COL12A1: variants seen among roughly 807,000 people sequenced by gnomAD.
COL12A1 encodes the protein collagen alpha-1(XII) chain.
Under a neutral mutation model 349.7 loss-of-function variants are expected in COL12A1, and 114 were observed. The observed-to-expected ratio is 0.33, with a 90% CI of 0.28 to 0.38. The LOEUF (loss-of-function observed/expected upper bound fraction) is 0.38, where lower values mean the gene tolerates loss of function less well. COL12A1 is among the 10% of genes least tolerant of loss of function. The pLI is 1.00. For missense variants in COL12A1, 3,284 were observed against 3,756.9 expected (o/e 0.87, Z 3.29); for synonymous variants, 1,369 against 1,329.0 (o/e 1.03, Z -0.66).
Position 75,090,061 on chromosome 6 carries a change from A to C in COL12A1, c.8941+49T>G. 6.3e-7 allele frequency: 1 copy of C among 1,594,702 alleles called. No homozygotes were observed. The highest frequency in any genetic ancestry group is 8.6e-7 in the Non-Finnish European group (1 of 1,166,458). On this transcript the variant is annotated intron_variant, in intron 63 of 65. Coordinates refer to ENST00000322507, the MANE Select transcript of COL12A1 (RefSeq NM_004370.6). The surrounding 1 kb of genome is among the most constrained non-coding windows in gnomAD (Gnocchi z 4.1). ...GCCTTCAACCTGTCCCAACTCCTAC[A>C]TTTGCAAATTCCTTCCTTTATCCCA...
At chr6:75,113,962 C>G (rs1582070413) in intron 49 of COL12A1, among the ~76,000 whole-genome samples, 1 of 151,698 alleles carries the variant, frequency 6.6e-6, no homozygotes, top group African/African-American at 2.4e-5. Context: ...AGAACAAGCA[C>G]TAAAGACCAG....
At chr6:75,154,710 C>T (rs180956806) in intron 16 of COL12A1, among the ~76,000 whole-genome samples, 173 bp from the exon 17 acceptor site, 6 of 152,266 alleles carry the variant, frequency 3.9e-5, no homozygotes, top group Admixed American at 2.0e-4. Flanking sequence ...TTCTCACTTA[C>T]GCTTACCCTG....
Position 75,148,370 on chromosome 6 carries a change from C to A in COL12A1, c.4275G>T (p.Gly1425=), listed in dbSNP as rs371112796. The change falls in exon 22 of 66, where the codon GGG becomes GGT. Residue 1425 remains glycine, a synonymous_variant. Coordinates refer to ENST00000322507, the MANE Select transcript of COL12A1 (RefSeq NM_004370.6). ...YKVEYYPVSG[G]KRQEFYVSRM... ...TGTTCCTACTCACTTCTTGACGTTT[C>A]CCTCCAGAAACTGGATAGTATTCCA... 5.6e-6 allele frequency: 9 copies of A among 1,612,348 alleles called. No individual in the cohort carries two copies. In the African/African-American group the frequency reaches 1.1e-4, roughly 19 times the overall value.
chr6:75,191,189 T>A (rs897370716), intron 5 of COL12A1, among the ~76,000 whole-genome samples: 8 of 151,980 alleles, frequency 5.3e-5, no homozygotes, highest in African/African-American at 1.9e-4. Flanking sequence ...TCAAAAAGGT[T>A]ACAACTACCA....
chr6:75,188,678 A>T (rs1769761906), intron 7 of COL12A1, 143 bp from the exon 8 acceptor site: 2 of 919,842 alleles, frequency 2.2e-6, no homozygotes, highest in Non-Finnish European at 3.3e-6. Context: ...TTTGTTTCAT[A>T]ACAGTTGCAC....
At chr6:75,107,346 C>G (rs1020143815) in intron 52 of COL12A1, among the ~76,000 whole-genome samples, 9 of 152,158 alleles carry the variant, frequency 5.9e-5, no homozygotes, top group African/African-American at 1.9e-4. Flanking sequence ...TCTTGGCTCA[C>G]TGCAACCTCT....
At chr6:75,092,365 A>T (rs1411345424) in intron 60 of COL12A1, among the ~76,000 whole-genome samples, 2 of 152,006 alleles carry the variant, frequency 1.3e-5, no homozygotes, top group East Asian at 3.9e-4. Flanking sequence ...TTCTACAATT[A>T]AAAAAAAGAA....
At chr6:75,146,524 T>A (rs1371116508) in intron 23 of COL12A1, among the ~76,000 whole-genome samples, 1 of 152,212 alleles carries the variant, frequency 6.6e-6, no homozygotes, top group Non-Finnish European at 1.5e-5. Context: ...CTACAATAGA[T>A]ACCAACTTCC....
At chr6:75,101,468 G>T in intron 58 of COL12A1, 132 bp downstream of exon 58, 1 of 799,184 alleles carries the variant, frequency 1.3e-6, no homozygotes, top group Non-Finnish European at 2.0e-6. Context: ...ACTGACATTA[G>T]CTTTGCAGCT....
At chr6:75,158,349 G>A (rs1445904953) in intron 14 of COL12A1, among the ~76,000 whole-genome samples, 1 of 152,030 alleles carries the variant, frequency 6.6e-6, no homozygotes, top group African/African-American at 2.4e-5. Context: ...CTGAGAAAAG[G>A]CCATATGAGG....
intron 8 of COL12A1, among the ~76,000 whole-genome samples, chr6:75,184,696 C>T (rs1769516898): frequency 6.6e-6 from 1 of 152,162 alleles, no homozygotes; most frequent in African/African-American, 2.4e-5. Context: ...AAAAGTTCAA[C>T]TATGTTCACA....
rs1378970849 is a variant in COL12A1 at position 75,085,399 on chromosome 6, T to G, written c.*1148A>C. On this transcript the variant is annotated 3_prime_UTR_variant, in exon 66 of 66. Coordinates refer to ENST00000322507, the MANE Select transcript of COL12A1 (RefSeq NM_004370.6). ...TTCAACATTACAATTATGGCATGAT[T>G]TGGAAGGCACACACACACACACACA... 1 of 391,812 alleles carries G rather than the reference T, an allele frequency of 2.6e-6. No individual in the cohort carries two copies. The highest frequency in any genetic ancestry group is 1.6e-5 in the South Asian group (1 of 61,068). The allele number at this position is 391,812 out of a possible 1,614,324, so 24.3% of individuals were successfully genotyped here.
intron 60 of COL12A1, among the ~76,000 whole-genome samples, chr6:75,094,517 T>C (rs905118722): frequency 6.6e-6 from 1 of 152,218 alleles, no homozygotes; most frequent in African/African-American, 2.4e-5. Context: ...ACTAAATATG[T>C]GTACTACTAT....
chr6:75,086,536 T>C lies in COL12A1; in HGVS notation c.*11A>G. 4.4e-6 allele frequency: 7 copies of C among 1,607,022 alleles called. No homozygotes were observed. The highest frequency in any genetic ancestry group is 6.0e-6 in the Non-Finnish European group (7 of 1,175,908). On this transcript the variant is annotated 3_prime_UTR_variant, in exon 66 of 66. Transcript: ENST00000322507. ...CAAACTGTAAGCAGCACTGGCGACT[T>C]AGAAAATGTGTTAGCCGGAACCTGA...
rs969629618 is a variant in COL12A1, at chr6:75,175,031, T to C, written c.2710+7A>G. 1.2e-6 allele frequency: 2 copies of C among 1,613,044 alleles called. No individual in the cohort carries two copies. Among genetic ancestry groups the C allele is most frequent in the South Asian group, 1.1e-5 (1 of 90,852 alleles). ...CCTGGATTTTCAGAAAATATGATGG[T>C]AATTACCTTCAAGTGTTGTTCCTTC... is the stretch of plus-strand genomic sequence containing the variant. On this transcript the variant is annotated splice_region_variant and intron_variant, in intron 13 of 65. Transcript: ENST00000322507.
rs751691332 is a variant in COL12A1 at position 75,130,099 on chromosome 6, C to T, written c.6202G>A (p.Asp2068Asn). The T allele has an allele frequency of 6.2e-7, 1 of 1,613,070 alleles. No individual in the cohort carries two copies. Among genetic ancestry groups the T allele is most frequent in the Admixed American group, 1.7e-5 (1 of 59,704 alleles). The change falls in exon 37 of 66, where the codon GAT becomes AAT. Residue 2068 changes from aspartate to asparagine, a missense_variant. This residue lies in a region of COL12A1 where 2,601 missense variants were observed against 2,824.8 expected (regional missense o/e 0.92). Transcript: ENST00000322507. The stretch of plus-strand genomic sequence containing the variant: ...ATGAGTATCAGACTTACATATTCAT[C>T]AATTGGATCACCAACAGTGGGAGAA... ...IYSPTVGDPI[D>N]EYTTVPGRRN...
At position 75,151,159 on chromosome 6, in the gene COL12A1, T is replaced by A; in HGVS notation, c.4129A>T (p.Asn1377Tyr). ...IVDDLTINLC[N>Y]SVKGPGDLEA... Reference sequence around the variant, plus strand: ...AACTTACCTGGACCTTTGACACTGTTACACAAATTAATGGTGAGATCATCC... The same window carrying A: ...AACTTACCTGGACCTTTGACACTGTAACACAAATTAATGGTGAGATCATCC... The change falls in exon 21 of 66, where the codon AAC becomes TAC. Residue 1377 changes from asparagine to tyrosine, a missense_variant. Asn to Tyr is a moderately radical substitution (Grantham distance 143). This residue lies in a region of COL12A1 where 2,601 missense variants were observed against 2,824.8 expected (regional missense o/e 0.92). Coordinates refer to ENST00000322507, the MANE Select transcript of COL12A1 (RefSeq NM_004370.6). 2 of 1,610,638 alleles carry A rather than the reference T, an allele frequency of 1.2e-6. No homozygotes were observed. Among genetic ancestry groups the A allele is most frequent in the Non-Finnish European group, 1.7e-6 (2 of 1,178,092 alleles).
chr6:75,092,879 TC>T (rs1164943664), intron 60 of COL12A1, among the ~76,000 whole-genome samples: 1 of 152,168 alleles, frequency 6.6e-6, no homozygotes, highest in Non-Finnish European at 1.5e-5. Context: ...TCATATTTTA[TC>T]CCTCTCCATT....
At chr6:75,170,812 C>G (rs1249888124) in intron 13 of COL12A1, among the ~76,000 whole-genome samples, 1 of 152,166 alleles carries the variant, frequency 6.6e-6, no homozygotes, top group Non-Finnish European at 1.5e-5. Context: ...TGTTACTCAA[C>G]ATCATGCAGA....
Sources: gnomAD v4.1 joint callset for allele counts (sites outside exome capture counted in the v4.1 genomes callset) on GRCh38, gnomAD v4.1.1 for gene constraint, gnomAD v4.1.1 regional missense constraint, Gnocchi (gnomAD v3.1) non-coding constraint, MANE v1.5 for transcripts, NCBI Gene and HGNC (gene_info 2026-07-23, HGNC 2026-07-21) for gene names.